Variants in CLSTN2 observed in about 807,000 individuals in gnomAD.
The protein encoded by CLSTN2 is calsyntenin 2, also known as calsyntenin-2.
A neutral mutation model predicts 101.2 loss-of-function variants in CLSTN2; 48 were observed. The ratio of observed to expected loss-of-function variants is 0.47; its 90% confidence interval spans 0.38 to 0.60. CLSTN2 has a LOEUF of 0.60. Among genes scored for constraint, CLSTN2 ranks in the 20% least tolerant of loss-of-function variants. CLSTN2 has a pLI of 0.00. For synonymous variants in CLSTN2, 481 were observed against 463.6 expected, an observed-to-expected ratio of 1.04 and a Z score of -0.48; for missense variants, 1,160 against 1,238.2, an observed-to-expected ratio of 0.94 and a Z score of 0.95.
rs992348978 is a variant in CLSTN2 at position 140,220,396 on chromosome 3, C to A, written c.232+44323C>A. 2.6e-5 allele frequency among the ~76,000 whole-genome samples: 4 copies of A among 152,312 alleles called. No homozygotes were observed. The East Asian group carries it at 7.7e-4, about 29-fold the overall frequency. ...AATAGAATTGTGGGCATTAGCAGGA[C>A]CATTATTTGGAATTTGGCCTGTCGT... On this transcript the variant is annotated intron_variant, in intron 2 of 16. Transcript: ENST00000458420.
chr3:140,148,253 CT>C (rs11311562), intron 1 of CLSTN2, among the ~76,000 whole-genome samples: 1,921 of 152,326 alleles, frequency 0.013, 37 homozygotes, highest in African/African-American at 0.042. Flanking sequence ...ACATTGAGTG[CT>C]GTCATCAGGC....
At chr3:140,159,812 C>T (rs1366833646) in intron 1 of CLSTN2, among the ~76,000 whole-genome samples, 5 of 152,092 alleles carry the variant, frequency 3.3e-5, no homozygotes, top group African/African-American at 4.8e-5. Flanking sequence ...ACATATATAC[C>T]ATGGAATACT....
rs904103797 is a variant in CLSTN2, at chr3:140,508,849, A to G, written c.1345-23475A>G. On this transcript the variant is annotated intron_variant, in intron 8 of 16. Coordinates refer to ENST00000458420, the MANE Select transcript of CLSTN2 (RefSeq NM_022131.3). ...GAATTCTGTGGCATGTCCTGCAAGC[A>G]AAAACCTGGGAGGAGGAAGAAAGCC... The G allele has an allele frequency of 5.9e-5, 9 of 152,234 alleles. 1 individual carries two copies. Among genetic ancestry groups the G allele is most frequent in the African/African-American group, 2.2e-4 (9 of 41,462 alleles). The allele number at this position is 152,234 out of a possible 1,614,324, so 9.4% of individuals were successfully genotyped here.
chr3:140,228,778 G>A (rs572509233), intron 2 of CLSTN2, among the ~76,000 whole-genome samples: 120 of 152,134 alleles, frequency 7.9e-4, no homozygotes, highest in Non-Finnish European at 1.5e-3. Flanking sequence ...TTTGTGCAGG[G>A]GAACTCCTGT....
chr3:140,431,712 G>T (rs187459841), intron 5 of CLSTN2, among the ~76,000 whole-genome samples: 1 of 152,266 alleles, frequency 6.6e-6, no homozygotes, highest in East Asian at 1.9e-4. Flanking sequence ...GTAGGTGATG[G>T]GGGAATGGGG....
At chr3:140,440,320 T>C (rs1180589387) in intron 5 of CLSTN2, among the ~76,000 whole-genome samples, 1 of 152,212 alleles carries the variant, frequency 6.6e-6, no homozygotes, top group Non-Finnish European at 1.5e-5. Context: ...TTATCTCTTC[T>C]TCATAGGAAT....
chr3:140,403,496 C>A, intron 2 of CLSTN2, 133 bp from the exon 3 acceptor site: 1 of 751,060 alleles, frequency 1.3e-6, no homozygotes, highest in Non-Finnish European at 2.2e-6. Context: ...ATGCTGCTGG[C>A]TCGTGGACCA....
At chr3:140,178,812 C>G (rs1320316353) in intron 2 of CLSTN2, among the ~76,000 whole-genome samples, 1 of 152,200 alleles carries the variant, frequency 6.6e-6, no homozygotes, top group Non-Finnish European at 1.5e-5. Flanking sequence ...TCCTCGAAGT[C>G]AACTGAAGCT....
At chr3:140,049,422 C>T (rs7619667) in intron 1 of CLSTN2, among the ~76,000 whole-genome samples, 80,059 of 152,006 alleles carry the variant, frequency 0.53, 22,513 homozygotes, top group South Asian at 0.77. Context: ...ATATTATTTC[C>T]GGAATGAGGG....
chr3:140,562,475 T>C (rs1157381963), intron 13 of CLSTN2, among the ~76,000 whole-genome samples, 167 bp downstream of exon 13: 1 of 152,200 alleles, frequency 6.6e-6, no homozygotes, highest in East Asian at 1.9e-4. Flanking sequence ...CTTTGGCAAG[T>C]TACTCCAGCA....
chr3:140,366,295 C>T (rs2087788531), intron 2 of CLSTN2, among the ~76,000 whole-genome samples: 1 of 152,218 alleles, frequency 6.6e-6, no homozygotes, highest in Non-Finnish European at 1.5e-5. Context: ...GAGAAGGTGA[C>T]ACTCAGAGTA....
chr3:140,512,282 TAA>T (rs1934829151), intron 8 of CLSTN2, among the ~76,000 whole-genome samples: 1 of 152,220 alleles, frequency 6.6e-6, no homozygotes, highest in Non-Finnish European at 1.5e-5. Flanking sequence ...GTTTTATATT[TAA>T]GTCTTTAATT....
At chr3:139,988,002 A>G (rs2107826863) in intron 1 of CLSTN2, among the ~76,000 whole-genome samples, 1 of 152,366 alleles carries the variant, frequency 6.6e-6, no homozygotes, top group South Asian at 2.1e-4. Context: ...AGAATGGGCC[A>G]GATCCCTTAT....
intron 1 of CLSTN2, among the ~76,000 whole-genome samples, chr3:139,983,105 A>G (rs972314504): frequency 1.3e-5 from 2 of 149,762 alleles, no homozygotes; most frequent in African/African-American, 4.8e-5. Flanking sequence ...GCTCTTTCCT[A>G]TGCAAGGTCT....
intron 2 of CLSTN2, among the ~76,000 whole-genome samples, chr3:140,286,412 A>C (rs899554314): frequency 3.3e-5 from 5 of 152,134 alleles, no homozygotes; most frequent in Admixed American, 2.6e-4. Context: ...GGGAGGGGGC[A>C]GACAGGAGGT....
At chr3:140,093,348 G>A (rs1220977675) in intron 1 of CLSTN2, among the ~76,000 whole-genome samples, 1 of 152,070 alleles carries the variant, frequency 6.6e-6, no homozygotes, top group Non-Finnish European at 1.5e-5. Context: ...ATCTGTACCC[G>A]CCATGGCCTG....
chr3:140,201,321 G>A (rs1287789383), intron 2 of CLSTN2, among the ~76,000 whole-genome samples: 1 of 152,162 alleles, frequency 6.6e-6, no homozygotes, highest in Non-Finnish European at 1.5e-5. Flanking sequence ...CTGGAGCAGA[G>A]ACACAGAGGG....
chr3:140,559,007 A>G (rs1935860213), intron 12 of CLSTN2, 150 bp downstream of exon 12: 1 of 639,798 alleles, frequency 1.6e-6, no homozygotes, highest in Non-Finnish European at 2.7e-6. Context: ...CAAAACAGAC[A>G]AAGCAATAAA....
At chr3:140,093,178 C>A (rs1023547646) in intron 1 of CLSTN2, among the ~76,000 whole-genome samples, 1 of 152,080 alleles carries the variant, frequency 6.6e-6, no homozygotes, top group Non-Finnish European at 1.5e-5. Flanking sequence ...TCCTTGGGTG[C>A]GGTGGGGCAG....
Sources: allele counts gnomAD v4.1 joint callset (sites outside exome capture counted in the v4.1 genomes callset), GRCh38; gene constraint gnomAD v4.1.1; transcripts MANE v1.5; gene names NCBI Gene and HGNC (gene_info 2026-07-23, HGNC 2026-07-21).